ZNF423: variants seen among roughly 807,000 people sequenced by gnomAD.
ZNF423 encodes the protein zinc finger protein 423, also known as Ebf-associated zinc finger protein.
A neutral mutation model predicts 95.8 loss-of-function variants in ZNF423; 12 were observed. That is an observed-to-expected ratio of 0.13 (90% CI 0.08 to 0.20). The LOEUF is 0.20. ZNF423 is among the 10% of genes least tolerant of loss of function. The pLI is 1.00. For missense variants in ZNF423, 1,316 were observed against 1,737.1 expected, an observed-to-expected ratio of 0.76 and a Z score of 4.31; for synonymous variants, 749 against 711.9, an observed-to-expected ratio of 1.05 and a Z score of -0.83.
At chr16:49,686,156 G>C (rs1371268951) in intron 3 of ZNF423, among the ~76,000 whole-genome samples, 1 of 152,196 alleles carries the variant, frequency 6.6e-6, no homozygotes. Flanking sequence ...AGCTCCACAG[G>C]GGGAGAGTCC....
intron 5 of ZNF423, among the ~76,000 whole-genome samples, chr16:49,591,031 G>T (rs575552392): frequency 2.1e-4 from 32 of 152,348 alleles, no homozygotes; most frequent in African/African-American, 7.7e-4. Context: ...ATGATGTAGA[G>T]ACATGTGTGC....
intron 5 of ZNF423, among the ~76,000 whole-genome samples, chr16:49,582,378 T>A (rs1419150976): frequency 6.6e-6 from 1 of 152,262 alleles, no homozygotes; most frequent in East Asian, 1.9e-4. Flanking sequence ...CCGAGTTGTA[T>A]CTGTGCTCCC....
At chr16:49,763,010 G>C (rs1330245587) in intron 2 of ZNF423, among the ~76,000 whole-genome samples, 1 of 151,456 alleles carries the variant, frequency 6.6e-6, no homozygotes, top group African/African-American at 2.4e-5. Context: ...TGGGATTACA[G>C]GCACACACCA....
chr16:49,568,158 A>C (rs1970249579), intron 5 of ZNF423, among the ~76,000 whole-genome samples: 1 of 152,122 alleles, frequency 6.6e-6, no homozygotes, highest in Non-Finnish European at 1.5e-5. Context: ...TGATTGGTTA[A>C]AAGATGAACA....
chr16:49,525,267 G>C, intron 6 of ZNF423, 96 bp downstream of exon 6: 1 of 1,545,760 alleles, frequency 6.5e-7, no homozygotes, highest in East Asian at 2.3e-5. Context: ...GGCCTGCCAA[G>C]GAAAGAGGAA....
At chr16:49,650,108 A>T (rs977429797) in intron 3 of ZNF423, among the ~76,000 whole-genome samples, 1 of 152,254 alleles carries the variant, frequency 6.6e-6, no homozygotes, top group African/African-American at 2.4e-5. Flanking sequence ...TTCTCCAGCC[A>T]GCTCTGGGGG....
intron 3 of ZNF423, among the ~76,000 whole-genome samples, chr16:49,667,924 T>C (rs1469199750): frequency 6.6e-6 from 1 of 152,102 alleles, no homozygotes; most frequent in Non-Finnish European, 1.5e-5. Flanking sequence ...AGCATGAGGC[T>C]CAGGGAGGTG....
upstream of ZNF423, among the ~76,000 whole-genome samples, chr16:49,857,006 G>A (rs930936508): frequency 6.7e-6 from 1 of 149,118 alleles, no homozygotes; most frequent in African/African-American, 2.4e-5. This position sits in a 1 kb window ranked among gnomAD's most constrained non-coding sequence, Gnocchi z 6.2. Flanking sequence ...AGCCGGCGCC[G>A]GCCCGCCCGC....
intron 5 of ZNF423, among the ~76,000 whole-genome samples, chr16:49,578,489 G>A (rs182489547): frequency 9.7e-4 from 147 of 152,294 alleles, no homozygotes; most frequent in African/African-American, 3.2e-3. Flanking sequence ...GCTTCACTCC[G>A]AGAGCTTGTG....
rs76489242 is a variant in ZNF423, at chr16:49,517,754, C to T, written c.3849+5870G>A. ...ATATCCTTTCTCCACCCTATGGCTTCGAAGTTATCACTTGGGCTACTTTAA... is the reference window on the plus strand; with the variant it reads ...ATATCCTTTCTCCACCCTATGGCTTTGAAGTTATCACTTGGGCTACTTTAA... On this transcript the variant is annotated intron_variant, in intron 7 of 7. Coordinates refer to ENST00000563137, the MANE Select transcript of ZNF423 (RefSeq NM_001379286.1). 25 of 314,766 alleles carry T rather than the reference C, an allele frequency of 7.9e-5. No individual in the cohort carries two copies. The East Asian group carries it at 1.3e-3, about 17-fold the overall frequency. The allele number at this position is 314,766 out of a possible 1,614,324, so 19.5% of individuals were successfully genotyped here. A position where few individuals can be genotyped will look rare whatever the true frequency, so the allele number is the denominator to read the frequency against.
rs1003181913 is a variant in ZNF423 at position 49,728,718 on chromosome 16, A to G, written c.301+2053T>C. On this transcript the variant is annotated intron_variant, in intron 3 of 7. Transcript: ENST00000563137. The stretch of plus-strand genomic sequence containing the variant: ...CCTTTTTCCACCTAGAAGTGCCACC[A>G]TTCTTTTATTTATTTATTTATTTTC... Among the ~76,000 whole-genome samples, 9 of 131,290 alleles carry G rather than the reference A, an allele frequency of 6.9e-5. 1 individual carries two copies. Among genetic ancestry groups the G allele is most frequent in the Admixed American group, 5.9e-4 (8 of 13,548 alleles). The allele number at this position is 131,290 out of a possible 152,430, so 86.1% of individuals were successfully genotyped here. A position where few individuals can be genotyped will look rare whatever the true frequency, so the allele number is the denominator to read the frequency against.
intron 3 of ZNF423, among the ~76,000 whole-genome samples, chr16:49,711,064 A>AGATGG (rs1250835583): frequency 6.6e-6 from 1 of 152,030 alleles, no homozygotes; most frequent in Non-Finnish European, 1.5e-5. Flanking sequence ...GAACGGGGTG[A>AGATGG]GATGGGATGG....
chr16:49,718,413 A>G (rs923602757), intron 3 of ZNF423, among the ~76,000 whole-genome samples: 1 of 152,116 alleles, frequency 6.6e-6, no homozygotes, highest in African/African-American at 2.4e-5. Flanking sequence ...CTCAAAAATA[A>G]AAGATCTGTG....
intron 3 of ZNF423, among the ~76,000 whole-genome samples, chr16:49,654,569 G>A (rs1287223202): frequency 6.6e-6 from 1 of 152,242 alleles, no homozygotes; most frequent in East Asian, 1.9e-4. Flanking sequence ...CACAGATGAG[G>A]TGCCATCATG....
intron 1 of ZNF423, among the ~76,000 whole-genome samples, chr16:49,813,960 A>C (rs1233281924): frequency 2.6e-5 from 4 of 152,136 alleles, no homozygotes; most frequent in Non-Finnish European, 4.4e-5. Flanking sequence ...CCTGCAGAAG[A>C]AGCTGGAAAA....
intron 7 of ZNF423, among the ~76,000 whole-genome samples, chr16:49,513,266 G>C (rs942351790): frequency 5.3e-5 from 8 of 152,124 alleles, no homozygotes; most frequent in Admixed American, 1.3e-4. Context: ...GCAACTTCAG[G>C]CCACACCCAT....
At chr16:49,507,951 G>A (rs533166190) in intron 7 of ZNF423, among the ~76,000 whole-genome samples, 1 of 152,324 alleles carries the variant, frequency 6.6e-6, no homozygotes, top group East Asian at 1.9e-4. Flanking sequence ...GCCAGGGGCT[G>A]CCAGGCCTGA....
intron 1 of ZNF423, among the ~76,000 whole-genome samples, chr16:49,835,028 T>TG (rs2035102469): frequency 6.6e-6 from 1 of 151,606 alleles, no homozygotes; most frequent in African/African-American, 2.4e-5. Context: ...GCTGAGGCCT[T>TG]GGGGGGAGTC....
intron 3 of ZNF423, among the ~76,000 whole-genome samples, chr16:49,649,236 C>T (rs1973296700): frequency 6.6e-6 from 1 of 152,194 alleles, no homozygotes; most frequent in South Asian, 2.1e-4. Flanking sequence ...GATGAGATCA[C>T]TACTGGACCA....
Sources: gnomAD v4.1 joint callset for allele counts (sites outside exome capture counted in the v4.1 genomes callset) on GRCh38, gnomAD v4.1.1 for gene constraint, Gnocchi (gnomAD v3.1) non-coding constraint, MANE v1.5 for transcripts, NCBI Gene and HGNC (gene_info 2026-07-23, HGNC 2026-07-21) for gene names.